PLCZ1: variants seen among roughly 807,000 people sequenced by gnomAD.
The protein encoded by PLCZ1 is 1-phosphatidylinositol 4,5-bisphosphate phosphodiesterase zeta-1.
PLCZ1 carries 64 observed loss-of-function variants against 76.8 expected under a neutral mutation model. The ratio of observed to expected loss-of-function variants is 0.83; its 90% CI spans 0.68 to 1.03. The LOEUF (loss-of-function observed/expected upper bound fraction) is 1.03, where lower values mean the gene tolerates loss of function less well. Ranked by LOEUF, PLCZ1 falls within the 50% of genes least tolerant of loss-of-function variation. PLCZ1 has a pLI of 0.00. For missense variants in PLCZ1, 751 were observed against 713.7 expected, an observed-to-expected ratio of 1.05 and a Z score of -0.60; for synonymous variants, 248 against 230.8, an observed-to-expected ratio of 1.07 and a Z score of -0.68.
At chr12:18,703,044 T>C (rs1299553903) in intron 7 of PLCZ1, among the ~76,000 whole-genome samples, 1 of 152,094 alleles carries the variant, frequency 6.6e-6, no homozygotes, top group East Asian at 1.9e-4. Flanking sequence ...GAAAGCTATG[T>C]ACGGGAATGC....
intron 7 of PLCZ1, among the ~76,000 whole-genome samples, chr12:18,703,291 A>G (rs1956179268): frequency 6.6e-6 from 1 of 152,154 alleles, no homozygotes; most frequent in African/African-American, 2.4e-5. Flanking sequence ...TCTCAGTTCT[A>G]TCATCAGCCC....
chr12:18,654,006 C>T, the PLCZ1 span, among the ~76,000 whole-genome samples: 5 of 152,012 alleles, frequency 3.3e-5, no homozygotes, highest in Non-Finnish European at 7.4e-5. Context: ...AAAAGAGCCT[C>T]ATTTTCTGAT....
intron 7 of PLCZ1, among the ~76,000 whole-genome samples, 190 bp downstream of exon 7, chr12:18,704,976 T>A (rs548747384): frequency 3.3e-5 from 5 of 152,228 alleles, no homozygotes; most frequent in African/African-American, 1.2e-4. Context: ...TATATAAATT[T>A]TAATCGAAAT....
intron 12 of PLCZ1, chr12:18,693,267 A>C (rs1954413436): frequency 6.6e-7 from 1 of 1,514,858 alleles, no homozygotes; most frequent in South Asian, 1.1e-5. Context: ...AGGGGTGCTG[A>C]TGGATGACAT....
Position 18,695,038 on chromosome 12 carries a change from G to A in PLCZ1, c.1333C>T (p.Gln445Ter). The change falls in exon 12 of 15, where the codon CAA becomes TAA. Residue 445 changes from glutamine (Q) to a stop codon, truncating the protein, a stop_gained. Coordinates refer to ENST00000266505, the MANE Select transcript of PLCZ1 (RefSeq NM_033123.4). LOFTEE classifies it high-confidence loss of function. The part of the protein sequence containing the change: ...FQTPGLPMDL[Q>*]NGKFLDNGGS... ...CCATTATCCAAAAATTTCCCATTTT[G>A]CAGATCCATGGGCAGACCAGGGGTC... 1 of 1,612,968 alleles carries A rather than the reference G, an allele frequency of 6.2e-7. No individual in the cohort carries two copies. The highest frequency in any genetic ancestry group is 8.5e-7 in the Non-Finnish European group (1 of 1,179,264).
chr12:18,712,773 A>G, intron 6 of PLCZ1, 69 bp downstream of exon 6: 1 of 1,560,072 alleles, frequency 6.4e-7, no homozygotes, highest in Non-Finnish European at 8.8e-7. Flanking sequence ...GCATTATAGG[A>G]TTTTGAAGCA....
chr12:18,674,296 G>A, the PLCZ1 span, among the ~76,000 whole-genome samples: 4 of 152,100 alleles, frequency 2.6e-5, no homozygotes, highest in African/African-American at 9.7e-5. Flanking sequence ...CTCATTTCCT[G>A]AATTTACTCT....
At chr12:18,659,255 C>G in the PLCZ1 span, among the ~76,000 whole-genome samples, 1 of 152,254 alleles carries the variant, frequency 6.6e-6, no homozygotes, top group African/African-American at 2.4e-5. Flanking sequence ...TATTTAATCT[C>G]ATAACAATGC....
At chr12:18,727,941 A>T (rs929974630) in intron 3 of PLCZ1, among the ~76,000 whole-genome samples, 3 of 152,196 alleles carry the variant, frequency 2.0e-5, no homozygotes, top group Admixed American at 1.3e-4. Flanking sequence ...TGTAGCAAGT[A>T]TATGGACCTA....
At chr12:18,673,135 C>T in the PLCZ1 span, among the ~76,000 whole-genome samples, 6 of 151,990 alleles carry the variant, frequency 3.9e-5, no homozygotes, top group Non-Finnish European at 8.8e-5. Flanking sequence ...AGAAGACAGG[C>T]TTAAGGAACA....
chr12:18,728,923 G>A (rs1958898024), intron 3 of PLCZ1, among the ~76,000 whole-genome samples: 1 of 151,972 alleles, frequency 6.6e-6, no homozygotes, highest in African/African-American at 2.4e-5. Flanking sequence ...AACTTGAGGT[G>A]GAACCAAACA....
chr12:18,712,804 G>A (rs750781544), intron 6 of PLCZ1, 38 bp downstream of exon 6: 1 of 1,604,496 alleles, frequency 6.2e-7, no homozygotes, highest in Middle Eastern at 1.7e-4. Flanking sequence ...AATTGCTTCT[G>A]TTTAAATAGC....
chr12:18,716,599 G>C (rs1958013656), intron 5 of PLCZ1, among the ~76,000 whole-genome samples: 1 of 152,100 alleles, frequency 6.6e-6, no homozygotes, highest in Non-Finnish European at 1.5e-5. Context: ...AACTAATCCT[G>C]TTTCTCTCTT....
chr12:18,708,144 C>T (rs1956848511), intron 6 of PLCZ1, among the ~76,000 whole-genome samples: 1 of 152,128 alleles, frequency 6.6e-6, no homozygotes, highest in African/African-American at 2.4e-5. Context: ...ACTTTGTAGC[C>T]TCTGACCTAC....
chr12:18,649,422 C>T, the PLCZ1 span, among the ~76,000 whole-genome samples: 17 of 152,214 alleles, frequency 1.1e-4, no homozygotes, highest in Non-Finnish European at 2.5e-4. Flanking sequence ...AAATCCTCTT[C>T]TACTCAAATC....
intron 7 of PLCZ1, among the ~76,000 whole-genome samples, chr12:18,704,216 T>G (rs1044019281): frequency 6.6e-6 from 1 of 152,174 alleles, no homozygotes; most frequent in East Asian, 1.9e-4. Flanking sequence ...AGAAAATCTT[T>G]GATGAATGTG....
At chr12:18,681,795 C>G (rs1952443007), downstream of PLCZ1, among the ~76,000 whole-genome samples, 1 of 151,938 alleles carries the variant, frequency 6.6e-6, no homozygotes, top group African/African-American at 2.4e-5. Flanking sequence ...TAAAATATAT[C>G]CTTTTTCTCT....
At chr12:18,725,811 CTTCT>C (rs1444143286) in intron 3 of PLCZ1, among the ~76,000 whole-genome samples, 3 of 151,980 alleles carry the variant, frequency 2.0e-5, no homozygotes, top group Non-Finnish European at 4.4e-5. Flanking sequence ...CCGGAATATC[CTTCT>C]TTCTGTTTAA....
chr12:18,705,348 C>G (rs568790162), intron 6 of PLCZ1, 33 bp from the exon 7 acceptor site: 1 of 1,611,470 alleles, frequency 6.2e-7, no homozygotes, highest in African/African-American at 1.3e-5. Context: ...GGTTATTCAT[C>G]AAAACTTCTA....
Sources: gnomAD v4.1 joint callset for allele counts (sites outside exome capture counted in the v4.1 genomes callset) on GRCh38, gnomAD v4.1.1 for gene constraint, MANE v1.5 for transcripts, NCBI Gene and HGNC (gene_info 2026-07-23, HGNC 2026-07-21) for gene names.